DBF4: variants seen among roughly 807,000 people sequenced by gnomAD.
The protein encoded by DBF4 is protein DBF4 homolog A.
In DBF4, 25 loss-of-function variants were observed where a neutral mutation model predicts 76.6. The ratio of observed to expected loss-of-function variants is 0.33; its 90% CI spans 0.24 to 0.46. DBF4 has a LOEUF of 0.46. Among genes scored for constraint, DBF4 ranks in the 20% least tolerant of loss-of-function variants. The pLI is 1.00. For synonymous variants in DBF4, 213 were observed against 258.0 expected, an observed-to-expected ratio of 0.83 and a Z score of 1.67; for missense variants, 638 against 760.8, an observed-to-expected ratio of 0.84 and a Z score of 1.90.
intron 2 of DBF4, 110 bp downstream of exon 2, chr7:87,878,335 C>A: frequency 1.2e-6 from 1 of 840,240 alleles, no homozygotes; most frequent in African/African-American, 1.7e-5. Context: ...TAGCACCAAG[C>A]TTAACATTTT....
intron 6 of DBF4, among the ~76,000 whole-genome samples, chr7:87,894,749 A>G (rs1839589734): frequency 6.6e-6 from 1 of 152,180 alleles, no homozygotes; most frequent in Non-Finnish European, 1.5e-5. Context: ...TCTGGTCTCC[A>G]TGGATTCTGA....
chr7:87,891,816 T>C (rs1839499456), intron 6 of DBF4, among the ~76,000 whole-genome samples: 1 of 152,166 alleles, frequency 6.6e-6, no homozygotes, highest in Non-Finnish European at 1.5e-5. Flanking sequence ...CTATTTTGGG[T>C]TTATATTTCT....
chr7:87,896,718 T>C lies in DBF4; in HGVS notation c.634+208T>C, dbSNP rs182396132. 3.2e-4 allele frequency among the ~76,000 whole-genome samples: 48 copies of C among 152,332 alleles called. 1 individual carries two copies. In the East Asian group the frequency reaches 5.6e-3, roughly 18 times the overall value. On this transcript the variant is annotated intron_variant, in intron 7 of 11. Transcript: ENST00000265728. The stretch of plus-strand genomic sequence containing the variant: ...TTTAAAACGTTTCCTTTAAAAATCA[T>C]TAGTCTACCAAGAAAATGAATTATA...
rs375299982 is a variant in DBF4 at position 87,876,765 on chromosome 7, A to C, written c.33A>C (p.Lys11Asn). The C allele has an allele frequency of 6.2e-7, 1 of 1,614,036 alleles. No homozygotes were observed. Among genetic ancestry groups the C allele is most frequent in the Non-Finnish European group, 8.5e-7 (1 of 1,180,022 alleles). Residue 11 changes from lysine to asparagine, a missense_variant, in exon 1 of 12, where the codon AAA becomes AAC. Transcript: ENST00000265728. Reference protein sequence around the residue: MNSGAMRIHSKGHFQGGIQVK... With the variant: MNSGAMRIHSNGHFQGGIQVK... Reference sequence around the variant, plus strand: ...CCGGAGCCATGAGGATCCACAGTAAAGGACATTTCCAGGGTAAGAAGCCCC... The same window carrying C: ...CCGGAGCCATGAGGATCCACAGTAACGGACATTTCCAGGGTAAGAAGCCCC...
At chr7:87,893,307 G>A (rs938114472) in intron 6 of DBF4, among the ~76,000 whole-genome samples, 4 of 149,012 alleles carry the variant, frequency 2.7e-5, no homozygotes, top group Non-Finnish European at 5.9e-5. Context: ...CTGCAGTGGC[G>A]CAATCTCGGC....
In DBF4 at chr7:87,908,045, G is replaced by A; in HGVS notation, c.1907G>A (p.Ser636Asn). 1 of 1,613,772 alleles carries A rather than the reference G, an allele frequency of 6.2e-7. No individual in the cohort carries two copies. The highest frequency in any genetic ancestry group is 8.5e-7 in the Non-Finnish European group (1 of 1,179,774). Residue 636 changes from serine to asparagine, a missense_variant, in exon 12 of 12, where the codon AGC becomes AAC. Transcript: ENST00000265728. ...AAATCAGAATTTTTGGGTTTCACAA[G>A]CTACACAGAAAAGAGTGGTATATGC... is the stretch of plus-strand genomic sequence containing the variant. ...EEKSEFLGFTSYTEKSGICNV... is the reference protein window; with the variant it reads ...EEKSEFLGFTNYTEKSGICNV...
intron 2 of DBF4, among the ~76,000 whole-genome samples, chr7:87,882,829 G>A (rs1839250402): frequency 6.6e-6 from 1 of 152,140 alleles, no homozygotes; most frequent in South Asian, 2.1e-4. Flanking sequence ...ATTTGAAGAA[G>A]TAGAACCCTT....
intron 2 of DBF4, among the ~76,000 whole-genome samples, chr7:87,884,256 G>A (rs987088841): frequency 6.6e-6 from 1 of 152,204 alleles, no homozygotes; most frequent in Admixed American, 6.5e-5. Context: ...GCTAGGCGCA[G>A]TAGTGTGTGC....
At chr7:87,900,477 C>A in intron 9 of DBF4, 128 bp downstream of exon 9, 1 of 1,128,386 alleles carries the variant, frequency 8.9e-7, no homozygotes, top group Non-Finnish European at 1.2e-6. Flanking sequence ...ATTCTGATTA[C>A]TTTTATAAGT....
chr7:87,887,422 T>C, intron 5 of DBF4, 24 bp downstream of exon 5: 1 of 1,542,624 alleles, frequency 6.5e-7, no homozygotes, highest in Non-Finnish European at 8.8e-7. Flanking sequence ...AATTGTTTTT[T>C]GACAGTATTT....
intron 8 of DBF4, among the ~76,000 whole-genome samples, chr7:87,898,790 CAAAAAAA>C (rs548418733): frequency 1.6e-5 from 1 of 62,414 alleles, no homozygotes; most frequent in Non-Finnish European, 3.3e-5. Context: ...GACTCCGTCT[CAAAAAAA>C]AAAAAAAAAA....
chr7:87,876,666 C>G lies in DBF4; in HGVS notation c.-67C>G, dbSNP rs528123442. 3.2e-6 allele frequency: 5 copies of G among 1,579,736 alleles called. No homozygotes were observed. Among genetic ancestry groups the G allele is most frequent in the East Asian group, 4.5e-5 (2 of 44,352 alleles). On this transcript the variant is annotated 5_prime_UTR_variant, in exon 1 of 12. Transcript: ENST00000265728. Reference sequence around the variant, plus strand: ...GTCCTGTCAACAGGCCGGGGGAAGCCGTGCTTTCGCGGCTGCCCGGTGCGA... The same window carrying G: ...GTCCTGTCAACAGGCCGGGGGAAGCGGTGCTTTCGCGGCTGCCCGGTGCGA...
chr7:87,894,361 G>C (rs765965588), intron 6 of DBF4, among the ~76,000 whole-genome samples: 8 of 152,172 alleles, frequency 5.3e-5, no homozygotes, highest in Non-Finnish European at 7.3e-5. Flanking sequence ...TTAGGAGGCT[G>C]AGGTGGCATG....
At position 87,908,869 on chromosome 7, in the gene DBF4, C is replaced by T. The variant is rs574939996; in HGVS notation, c.*706C>T. On this transcript the variant is annotated 3_prime_UTR_variant, in exon 12 of 12. Coordinates refer to ENST00000265728, the MANE Select transcript of DBF4 (RefSeq NM_006716.4). ...GGCCGAGGCAGGCTGATCACGAGGT[C>T]AGAAGATCAAGACCATCCTGGCCAA... The T allele has an allele frequency of 1.3e-5, 2 of 152,338 alleles. No individual in the cohort carries two copies. The highest frequency in any genetic ancestry group is 3.9e-4 in the East Asian group (2 of 5,192). The allele number at this position is 152,338 out of a possible 1,614,324, so 9.4% of individuals were successfully genotyped here. A position where few individuals can be genotyped will look rare whatever the true frequency, so the allele number is the denominator to read the frequency against.
rs146586322 is a variant in DBF4, at chr7:87,907,300, G to A, written c.1162G>A (p.Asp388Asn). The A allele has an allele frequency of 1.2e-5, 19 of 1,613,948 alleles. No homozygotes were observed. Among genetic ancestry groups the A allele is most frequent in the Non-Finnish European group, 1.5e-5 (18 of 1,179,930 alleles). ...QHISQKDCQEDDTTVKEQNFL... is the reference protein window; with the variant it reads ...QHISQKDCQENDTTVKEQNFL... ...TATTTCTCAGAAAGATTGCCAGGAAGATGATACAACAGTGAAGGAGCAGAA... is the reference window on the plus strand; with the variant it reads ...TATTTCTCAGAAAGATTGCCAGGAAAATGATACAACAGTGAAGGAGCAGAA... The change falls in exon 12 of 12, where the codon GAT becomes AAT. Residue 388 changes from aspartate to asparagine, a missense_variant. Physicochemically the swap from Asp to Asn is conservative, Grantham distance 23. Transcript: ENST00000265728.
intron 8 of DBF4, among the ~76,000 whole-genome samples, chr7:87,899,290 C>CAAAA (rs1839710414): frequency 6.6e-6 from 1 of 151,890 alleles, no homozygotes; most frequent in Non-Finnish European, 1.5e-5. Context: ...AAAAGGCAAC[C>CAAAA]GAAAGGATGG....
chr7:87,895,537 G>T (rs1262495470), intron 6 of DBF4, among the ~76,000 whole-genome samples: 1 of 152,052 alleles, frequency 6.6e-6, no homozygotes, highest in Non-Finnish European at 1.5e-5. Flanking sequence ...AGACTGTTCT[G>T]TCTTGGTGGT....
At chr7:87,880,806 G>T (rs951133467) in intron 2 of DBF4, among the ~76,000 whole-genome samples, 1 of 152,006 alleles carries the variant, frequency 6.6e-6, no homozygotes, top group Non-Finnish European at 1.5e-5. Flanking sequence ...AAGAAAAGTA[G>T]GTGTTACAGA....
At chr7:87,905,724 C>T (rs906306330) in intron 11 of DBF4, among the ~76,000 whole-genome samples, 1 of 152,162 alleles carries the variant, frequency 6.6e-6, no homozygotes, top group Non-Finnish European at 1.5e-5. Flanking sequence ...TAACAAGATA[C>T]AGCTTCTGAA....
Sources: gnomAD v4.1 joint callset for allele counts (sites outside exome capture counted in the v4.1 genomes callset) on GRCh38, gnomAD v4.1.1 for gene constraint, MANE v1.5 for transcripts, NCBI Gene and HGNC (gene_info 2026-07-23, HGNC 2026-07-21) for gene names.